Variants in UQCRB observed in about 807,000 individuals in gnomAD.
UQCRB encodes cytochrome b-c1 complex subunit 7.
A neutral mutation model predicts 19.8 loss-of-function variants in UQCRB; 12 were observed. That is an observed-to-expected ratio of 0.61 (90% CI 0.39 to 0.98). UQCRB has a LOEUF of 0.98. Among genes scored for constraint, UQCRB ranks in the 50% least tolerant of loss-of-function variants. UQCRB has a pLI of 0.00. For synonymous variants in UQCRB, 39 were observed against 42.9 expected, an observed-to-expected ratio of 0.91 and a Z score of 0.35; for missense variants, 142 against 131.8, an observed-to-expected ratio of 1.08 and a Z score of -0.38.
intron 2 of UQCRB, 21 bp downstream of exon 2, chr8:96,233,135 T>C (rs375087389): frequency 2.8e-5 from 45 of 1,605,124 alleles, no homozygotes; most frequent in Non-Finnish European, 3.6e-5. Context: ...ACAAAAAACA[T>C]TAAACAGCAC....
rs2643339 is a variant in UQCRB, at chr8:96,234,750, C to A, written c.19+762G>T. 0.37 allele frequency: 109,181 copies of A among 295,512 alleles called. 20,843 individuals are homozygous for A. Among genetic ancestry groups the A allele is most frequent in the Non-Finnish European group, 0.4 (58,770 of 148,060 alleles). 18.3% of individuals were successfully genotyped at this position (295,512 alleles called of 1,614,324 possible). A position where few individuals can be genotyped will look rare whatever the true frequency, so the allele number is the denominator to read the frequency against. ...TTGTGCCATTGCACTCCAGCCTGGG[C>A]GACAAAGCAAGACTCCGTCTCAAAG... On this transcript the variant is annotated intron_variant, in intron 1 of 3. Coordinates refer to ENST00000287022, the MANE Select transcript of UQCRB (RefSeq NM_006294.5).
rs1222472747 is a variant in UQCRB at position 96,231,459 on chromosome 8, T to G, written c.258+315A>C. 2.6e-6 allele frequency: 4 copies of G among 1,535,014 alleles called. No homozygotes were observed. In the East Asian group the frequency reaches 7.3e-5, roughly 28 times the overall value. ...TCTTGGGATCTGGAGGGACACTCAA[T>G]GGGCTGATCTTTTCATCTAAGTAGG... On this transcript the variant is annotated intron_variant, in intron 3 of 3. Coordinates refer to ENST00000287022, the MANE Select transcript of UQCRB (RefSeq NM_006294.5).
At chr8:96,234,392 T>C (rs1809750417) in intron 1 of UQCRB, 2 of 669,096 alleles carry the variant, frequency 3.0e-6, no homozygotes, top group Non-Finnish European at 4.6e-6. Context: ...TATTTACATG[T>C]CTGTTACTAC....
rs16894377 is a variant in UQCRB, at chr8:96,230,657, G to C, written c.*398C>G. 0.019 allele frequency: 8,687 copies of C among 461,606 alleles called. 853 individuals carry two copies. The highest frequency in any genetic ancestry group is 0.18 in the Admixed American group (7,719 of 42,768). 28.6% of individuals were successfully genotyped at this position (461,606 alleles called of 1,614,324 possible). Reference sequence around the variant, plus strand: ...ATAGGATGCAAAATCAAATCTGTTTGCATACCAGTGAAGAGGCTATTTCTC... The same window carrying C: ...ATAGGATGCAAAATCAAATCTGTTTCCATACCAGTGAAGAGGCTATTTCTC... On this transcript the variant is annotated 3_prime_UTR_variant, in exon 4 of 4. Transcript: ENST00000287022.
At chr8:96,233,318 G>A (rs1474311312) in intron 1 of UQCRB, 91 bp from the exon 2 acceptor site, 1 of 1,147,956 alleles carries the variant, frequency 8.7e-7, no homozygotes. Flanking sequence ...TTATCTTGCT[G>A]ATGAATGCAA....
In UQCRB at chr8:96,230,095, T is replaced by G. The variant is rs760206226; in HGVS notation, c.*960A>C. On this transcript the variant is annotated 3_prime_UTR_variant, in exon 4 of 4. Coordinates refer to ENST00000287022, the MANE Select transcript of UQCRB (RefSeq NM_006294.5). Reference sequence around the variant, plus strand: ...ACAACATTGAATAATCCTAATTTTTTTTTTGAGACAGTCAATGTCGCTCAG... The same window carrying G: ...ACAACATTGAATAATCCTAATTTTTGTTTTGAGACAGTCAATGTCGCTCAG... 8.8e-6 allele frequency: 4 copies of G among 454,070 alleles called. No homozygotes were observed. Among genetic ancestry groups the G allele is most frequent in the South Asian group, 6.2e-5 (4 of 64,468 alleles). 28.1% of individuals were successfully genotyped at this position (454,070 alleles called of 1,614,324 possible). A position where few individuals can be genotyped will look rare whatever the true frequency, so the allele number is the denominator to read the frequency against.
rs1234422235 is a variant in UQCRB at position 96,227,032 on chromosome 8, C to A, written c.*4023G>T. The A allele has an allele frequency of 1.3e-5, 6 of 453,758 alleles. No individual in the cohort carries two copies. The highest frequency in any genetic ancestry group is 1.2e-4 in the Admixed American group (5 of 42,540). 28.1% of individuals were successfully genotyped at this position (453,758 alleles called of 1,614,324 possible). ...CTTTTAATATGAACGCCAGTATAACCAGAATGTAAACAAATTATGGCATAT... is the reference window on the plus strand; with the variant it reads ...CTTTTAATATGAACGCCAGTATAACAAGAATGTAAACAAATTATGGCATAT... On this transcript the variant is annotated 3_prime_UTR_variant, in exon 4 of 4. Transcript: ENST00000287022.
At chr8:96,235,235 A>G in intron 1 of UQCRB, 1 of 589,632 alleles carries the variant, frequency 1.7e-6, no homozygotes, top group Non-Finnish European at 3.0e-6. Flanking sequence ...AAGGGGAAGG[A>G]CTTCCAAGCA....
chr8:96,226,873 A>G lies in UQCRB; in HGVS notation c.*4182T>C. 1 of 452,790 alleles carries G rather than the reference A, an allele frequency of 2.2e-6. No homozygotes were observed. The highest frequency in any genetic ancestry group is 4.4e-6 in the Non-Finnish European group (1 of 226,352). 28.0% of individuals were successfully genotyped at this position (452,790 alleles called of 1,614,324 possible). A position where few individuals can be genotyped will look rare whatever the true frequency, so the allele number is the denominator to read the frequency against. ...AATATTAACAGGCTTTCTGACATCT[A>G]TGCTAAAAATTAACCACCGTATAAT... On this transcript the variant is annotated 3_prime_UTR_variant, in exon 4 of 4. Coordinates refer to ENST00000287022, the MANE Select transcript of UQCRB (RefSeq NM_006294.5).
rs1200127949 is a variant in UQCRB at position 96,223,878 on chromosome 8, G to C, written c.*7177C>G. 1.3e-5 allele frequency among the ~76,000 whole-genome samples: 2 copies of C among 152,162 alleles called. No homozygotes were observed. Among genetic ancestry groups the C allele is most frequent in the African/African-American group, 4.8e-5 (2 of 41,434 alleles). Reference sequence around the variant, plus strand: ...TGTGTAGAAGAGTAAGTCTCTGATTGGAAGCAGATCTATCATGGGTAGAGG... The same window carrying C: ...TGTGTAGAAGAGTAAGTCTCTGATTCGAAGCAGATCTATCATGGGTAGAGG... On this transcript the variant is annotated 3_prime_UTR_variant, in exon 4 of 4. Transcript: ENST00000287022.
In UQCRB at chr8:96,230,475, G is replaced by C. The variant is rs564159476; in HGVS notation, c.*580C>G. ...AAACTTCATAACAATCATTTCCAAA[G>C]TGGAAAAGTCACTGGGATATGGGGA... is the stretch of plus-strand genomic sequence containing the variant. On this transcript the variant is annotated 3_prime_UTR_variant, in exon 4 of 4. Transcript: ENST00000287022. The C allele has an allele frequency of 4.4e-6, 2 of 454,028 alleles. No homozygotes were observed. Among genetic ancestry groups the C allele is most frequent in the Non-Finnish European group, 4.4e-6 (1 of 226,776 alleles). 28.1% of individuals were successfully genotyped at this position (454,028 alleles called of 1,614,324 possible). A position where few individuals can be genotyped will look rare whatever the true frequency, so the allele number is the denominator to read the frequency against.
chr8:96,224,134 C>T lies in UQCRB; in HGVS notation c.*6921G>A, dbSNP rs1809489692. 6.6e-6 allele frequency among the ~76,000 whole-genome samples: 1 copy of T among 152,192 alleles called. No homozygotes were observed. ...AGCCCAGTTCTGTGTGAGTCAGAGT[C>T]CTGGCAGGAAAGTGTGGCACACCCA... On this transcript the variant is annotated 3_prime_UTR_variant, in exon 4 of 4. Coordinates refer to ENST00000287022, the MANE Select transcript of UQCRB (RefSeq NM_006294.5).
chr8:96,229,771 A>C lies in UQCRB; in HGVS notation c.*1284T>G, dbSNP rs1809615744. 2.2e-6 allele frequency: 1 copy of C among 453,774 alleles called. No individual in the cohort carries two copies. Among genetic ancestry groups the C allele is most frequent in the Admixed American group, 2.4e-5 (1 of 42,540 alleles). 28.1% of individuals were successfully genotyped at this position (453,774 alleles called of 1,614,324 possible). ...AAAATAACGACCAGCGAAAGGAAAAAAAAAAGCGGGGGAGGGGGTTCCTAG... is the reference window on the plus strand; with the variant it reads ...AAAATAACGACCAGCGAAAGGAAAACAAAAAGCGGGGGAGGGGGTTCCTAG... On this transcript the variant is annotated 3_prime_UTR_variant, in exon 4 of 4. Transcript: ENST00000287022.
Position 96,225,705 on chromosome 8 carries a change from T to C in UQCRB, c.*5350A>G, listed in dbSNP as rs1809513918. On this transcript the variant is annotated 3_prime_UTR_variant, in exon 4 of 4. Coordinates refer to ENST00000287022, the MANE Select transcript of UQCRB (RefSeq NM_006294.5). ...GCTTAGCTAACTTTGCTTACTGTTCTGGAATCAGCCACATTATCAGAGGCC... is the reference window on the plus strand; with the variant it reads ...GCTTAGCTAACTTTGCTTACTGTTCCGGAATCAGCCACATTATCAGAGGCC... 1.3e-5 allele frequency among the ~76,000 whole-genome samples: 2 copies of C among 152,026 alleles called. No individual in the cohort carries two copies.
rs1809661720 is a variant in UQCRB at position 96,231,130 on chromosome 8, T to C, written c.261A>G (p.Glu87=). 6.8e-6 allele frequency: 11 copies of C among 1,614,036 alleles called. No homozygotes were observed. The highest frequency in any genetic ancestry group is 9.3e-6 in the Non-Finnish European group (11 of 1,180,020). The change falls in exon 4 of 4, where the codon GAA becomes GAG. Residue 87 remains glutamate (E), a splice_region_variant and synonymous_variant. Coordinates refer to ENST00000287022, the MANE Select transcript of UQCRB (RefSeq NM_006294.5). ...TCAGATACGGTTCAAGGTAGAAATT[T>C]TCCTAAAGAATGAATGAAATATTAT... is the stretch of plus-strand genomic sequence containing the variant. The part of the protein sequence containing the change: ...PKEQWTKYEE[E]NFYLEPYLKE...
chr8:96,230,048 G>C lies in UQCRB; in HGVS notation c.*1007C>G, dbSNP rs759193533. On this transcript the variant is annotated 3_prime_UTR_variant, in exon 4 of 4. Coordinates refer to ENST00000287022, the MANE Select transcript of UQCRB (RefSeq NM_006294.5). ...CACCTCTACCAAAGAAAGCATTTCA[G>C]AATTTAGGAGTGGAAATGATGACAA... is the stretch of plus-strand genomic sequence containing the variant. The C allele has an allele frequency of 7.9e-5, 36 of 453,928 alleles. No homozygotes were observed. Among genetic ancestry groups the C allele is most frequent in the Middle Eastern group, 1.4e-3 (2 of 1,466 alleles). 28.1% of individuals were successfully genotyped at this position (453,928 alleles called of 1,614,324 possible). A position where few individuals can be genotyped will look rare whatever the true frequency, so the allele number is the denominator to read the frequency against.
chr8:96,234,610 G>A, intron 1 of UQCRB: 1 of 783,378 alleles, frequency 1.3e-6, no homozygotes, highest in Non-Finnish European at 1.9e-6. Flanking sequence ...TTAGGTTAAC[G>A]GATGTTTCTG....
rs7014324 is a variant in UQCRB, at chr8:96,223,583, T to A, written c.*7472A>T. Among the ~76,000 whole-genome samples, 32,964 of 152,118 alleles carry A rather than the reference T, an allele frequency of 0.22. 5,377 individuals carry two copies. Among genetic ancestry groups the A allele is most frequent in the African/African-American group, 0.46 (19,223 of 41,442 alleles). ...AAATAGAAATGTCAAGTGCCTGGGG[T>A]TGACAAAGAGCTTCTCTCAGTAGGC... On this transcript the variant is annotated 3_prime_UTR_variant, in exon 4 of 4. Transcript: ENST00000287022.
intron 3 of UQCRB, chr8:96,231,454 C>T (rs745423654): frequency 1.4e-5 from 22 of 1,535,328 alleles, no homozygotes; most frequent in East Asian, 2.4e-5. Context: ...TGGAGGGACA[C>T]TCAATGGGCT....
Sources: allele counts gnomAD v4.1 joint callset (sites outside exome capture counted in the v4.1 genomes callset), GRCh38; gene constraint gnomAD v4.1.1; transcripts MANE v1.5; gene names NCBI Gene and HGNC (gene_info 2026-07-23, HGNC 2026-07-21).